The following PMFBP1 variants were observed in gnomAD, a reference collection of about 807,000 sequenced individuals.
PMFBP1 encodes the protein polyamine modulated factor 1 binding protein 1.
In PMFBP1, 131 loss-of-function variants were observed where a neutral mutation model predicts 137.8. That is an observed-to-expected ratio of 0.95 (90% CI 0.82 to 1.10). The LOEUF (loss-of-function observed/expected upper bound fraction) is 1.10, where lower values mean the gene tolerates loss of function less well. Ranked by LOEUF, PMFBP1 falls within the 50% of genes least tolerant of loss-of-function variation. PMFBP1 has a pLI of 0.00. For synonymous variants in PMFBP1, 490 were observed against 450.4 expected (o/e 1.09, Z -1.11); for missense variants, 1,199 against 1,175.4 (o/e 1.02, Z -0.29).
chr16:72,228,652 G>A, the PMFBP1 span, among the ~76,000 whole-genome samples: 1 of 152,116 alleles, frequency 6.6e-6, no homozygotes. Flanking sequence ...AAAACTATTT[G>A]TTAAATCTAC....
At chr16:72,226,255 C>A in the PMFBP1 span, among the ~76,000 whole-genome samples, 2 of 151,918 alleles carry the variant, frequency 1.3e-5, no homozygotes, top group African/African-American at 4.8e-5. Context: ...TCTTTCAATA[C>A]CTCATAGGTA....
chr16:72,168,569 G>A (rs989161834), intron 2 of PMFBP1, among the ~76,000 whole-genome samples: 1 of 152,218 alleles, frequency 6.6e-6, no homozygotes. Context: ...GGCATGAGAT[G>A]AACTGAGAGT....
intron 3 of PMFBP1, 24 bp downstream of exon 3, chr16:72,164,740 A>G (rs1295007312): frequency 1.9e-6 from 3 of 1,571,472 alleles, no homozygotes; most frequent in Middle Eastern, 2.0e-4. Flanking sequence ...AGCAGGGGTG[A>G]GCGGCTGCTG....
intron 5 of PMFBP1, among the ~76,000 whole-genome samples, chr16:72,145,970 T>C (rs2042799733): frequency 6.6e-6 from 1 of 152,222 alleles, no homozygotes; most frequent in Non-Finnish European, 1.5e-5. Context: ...GTTAGTACCA[T>C]TCCTTCTGAA....
chr16:72,117,310 T>C (rs1381360542), downstream of PMFBP1, among the ~76,000 whole-genome samples: 1 of 152,228 alleles, frequency 6.6e-6, no homozygotes, highest in African/African-American at 2.4e-5. Context: ...AGATTATTAA[T>C]TGTTGTTATA....
At chr16:72,173,330 C>T (rs1484874968), upstream of PMFBP1, among the ~76,000 whole-genome samples, 2 of 152,210 alleles carry the variant, frequency 1.3e-5, no homozygotes, top group Non-Finnish European at 2.9e-5. Flanking sequence ...TACTTCTTTG[C>T]AGGCAAGCCC....
intron 7 of PMFBP1, among the ~76,000 whole-genome samples, chr16:72,137,105 A>T (rs12449073): frequency 0.51 from 78,249 of 151,968 alleles, 21,541 homozygotes; most frequent in African/African-American, 0.72. Context: ...TCCCAATGAA[A>T]TTTTTTTAAA....
At chr16:72,131,419 T>C (rs752320979) in intron 10 of PMFBP1, among the ~76,000 whole-genome samples, 1 of 152,182 alleles carries the variant, frequency 6.6e-6, no homozygotes, top group Non-Finnish European at 1.5e-5. Flanking sequence ...AAAGAAAAAC[T>C]GCTTCAGGAA....
chr16:72,119,422 CTGGCCGCATGGCCAGG>C (rs1555541273), intron 20 of PMFBP1, 68 bp from the exon 21 acceptor site: 1 of 1,613,164 alleles, frequency 6.2e-7, no homozygotes, highest in Non-Finnish European at 8.5e-7. Context: ...TCCTCAAGGG[CTGGCCGCATGGCCAGG>C]CAGCTCTGCT....
chr16:72,208,042 C>T, the PMFBP1 span, among the ~76,000 whole-genome samples: 2 of 152,158 alleles, frequency 1.3e-5, no homozygotes, highest in Non-Finnish European at 2.9e-5. Flanking sequence ...CCTTTTTGGT[C>T]TGAATTTTTG....
At position 72,137,795 on chromosome 16, in the gene PMFBP1, G is replaced by A. The variant is rs190641525; in HGVS notation, c.919-976C>T. Among the ~76,000 whole-genome samples the A allele has an allele frequency of 2.3e-4, 35 of 152,222 alleles. No individual in the cohort carries two copies. The East Asian group carries it at 6.8e-3, about 29-fold the overall frequency. On this transcript the variant is annotated intron_variant, in intron 7 of 20. Transcript: ENST00000237353. ...GAGGAGCAATTCGTTGCCTGGCATC[G>A]GGGATATTGGGGAGAGTTATTTGTG... is the stretch of plus-strand genomic sequence containing the variant.
In PMFBP1 at chr16:72,128,640, G is replaced by A. The variant is rs372548329; in HGVS notation, c.2088+17C>T. The stretch of plus-strand genomic sequence containing the variant: ...GGGTTCAAATTCCTCACTCCCTTGG[G>A]GTTCCTGTCTACTCACCTCTTTATT... On this transcript the variant is annotated intron_variant, in intron 14 of 20. Transcript: ENST00000237353. 2.1e-4 allele frequency: 336 copies of A among 1,613,842 alleles called. No homozygotes were observed. Among genetic ancestry groups the A allele is most frequent in the Non-Finnish European group, 2.6e-4 (306 of 1,179,960 alleles).
intron 5 of PMFBP1, 68 bp downstream of exon 5, chr16:72,150,540 A>C: frequency 6.8e-7 from 1 of 1,476,468 alleles, no homozygotes; most frequent in Non-Finnish European, 9.4e-7. Context: ...GGAGGCTGGG[A>C]CTGTCTGAGG....
intron 5 of PMFBP1, among the ~76,000 whole-genome samples, chr16:72,143,304 G>A (rs2042750930): frequency 6.6e-6 from 1 of 152,288 alleles, no homozygotes; most frequent in South Asian, 2.1e-4. Flanking sequence ...TAGAGATGCT[G>A]GTCAATACGA....
At chr16:72,245,327 C>G in the PMFBP1 span, among the ~76,000 whole-genome samples, 2 of 152,174 alleles carry the variant, frequency 1.3e-5, no homozygotes, top group Non-Finnish European at 2.9e-5. Flanking sequence ...GTAGATAGTA[C>G]TGCTACTTCC....
chr16:72,132,670 G>T, intron 10 of PMFBP1, 78 bp downstream of exon 10: 1 of 1,587,450 alleles, frequency 6.3e-7, no homozygotes. Flanking sequence ...TGGCCACTGG[G>T]AGAGAGAAGG....
At chr16:72,237,837 C>T in the PMFBP1 span, among the ~76,000 whole-genome samples, 6 of 152,184 alleles carry the variant, frequency 3.9e-5, 1 homozygote, top group South Asian at 1.2e-3. Context: ...TTATTGTTCC[C>T]CTCTATGTGT....
the PMFBP1 span, among the ~76,000 whole-genome samples, chr16:72,219,973 A>C: frequency 6.6e-6 from 1 of 152,238 alleles, no homozygotes; most frequent in Non-Finnish European, 1.5e-5. Context: ...GGACTTGTGG[A>C]GAAATTAAAT....
chr16:72,220,956 C>T, the PMFBP1 span, among the ~76,000 whole-genome samples: 1 of 152,220 alleles, frequency 6.6e-6, no homozygotes, highest in African/African-American at 2.4e-5. Flanking sequence ...CCCCAGAACT[C>T]TCAGTTTCCT....
Sources: gnomAD v4.1 joint callset for allele counts (sites outside exome capture counted in the v4.1 genomes callset) on GRCh38, gnomAD v4.1.1 for gene constraint, MANE v1.5 for transcripts, NCBI Gene and HGNC (gene_info 2026-07-23, HGNC 2026-07-21) for gene names.